Variants in CLEC16A observed in about 807,000 individuals in gnomAD.
CLEC16A encodes C-type lectin domain containing 16A.
CLEC16A carries 51 observed loss-of-function variants against 109.5 expected under a neutral mutation model. That is an observed-to-expected ratio of 0.47 (90% CI 0.37 to 0.59). The LOEUF (loss-of-function observed/expected upper bound fraction) is 0.59. Among genes scored for constraint, CLEC16A ranks in the 20% least tolerant of loss-of-function variants. The probability of loss-of-function intolerance (pLI) is 0.00; values close to 1 mark genes in which losing one functional copy is unlikely to be tolerated. For missense variants in CLEC16A, 1,339 were observed against 1,394.0 expected (o/e 0.96, Z 0.63); for synonymous variants, 673 against 564.2 (o/e 1.19, Z -2.73).
intron 1 of CLEC16A, among the ~76,000 whole-genome samples, chr16:10,947,544 A>G (rs1303276377): frequency 6.6e-6 from 1 of 152,174 alleles, no homozygotes; most frequent in Admixed American, 6.5e-5. Context: ...GAGCACTGTG[A>G]CCAGGACCCT....
At position 10,957,879 on chromosome 16, in the gene CLEC16A, T is replaced by C; in HGVS notation, c.178T>C (p.Trp60Arg). Residue 60 changes from tryptophan to arginine, a missense_variant, in exon 2 of 24, where the codon TGG becomes CGG. Trp to Arg is a moderately radical substitution (Grantham distance 101, BLOSUM62 -3). Transcript: ENST00000409790. ...TIRSITEILI[W>R]GDQNDSSVFD... ...CCGTTCCATCACTGAGATCCTGATC[T>C]GGGGAGATCAAAATGACAGCTCTGT... 6.2e-7 allele frequency: 1 copy of C among 1,613,930 alleles called. No homozygotes were observed. Among genetic ancestry groups the C allele is most frequent in the Non-Finnish European group, 8.5e-7 (1 of 1,179,800 alleles).
At chr16:10,949,444 C>G (rs879818994) in intron 1 of CLEC16A, among the ~76,000 whole-genome samples, 7 of 151,894 alleles carry the variant, frequency 4.6e-5, no homozygotes, top group Non-Finnish European at 7.4e-5. Context: ...AGCGGGGTGT[C>G]AGGTGGAAGG....
intron 22 of CLEC16A, among the ~76,000 whole-genome samples, chr16:11,154,047 G>A (rs1167668296): frequency 2.6e-5 from 4 of 152,242 alleles, no homozygotes; most frequent in Non-Finnish European, 5.9e-5. Flanking sequence ...GATGAATGTA[G>A]CTGGAGAGAG....
At chr16:11,074,685 G>T (rs896355090) in intron 19 of CLEC16A, among the ~76,000 whole-genome samples, 13 of 152,120 alleles carry the variant, frequency 8.5e-5, no homozygotes, top group African/African-American at 3.1e-4. Context: ...AGATCACAAG[G>T]TCACCTAATG....
intron 17 of CLEC16A, among the ~76,000 whole-genome samples, chr16:11,049,640 G>T (rs1220831609): frequency 6.6e-6 from 1 of 152,200 alleles, no homozygotes; most frequent in African/African-American, 2.4e-5. Flanking sequence ...AAGGGGGTGG[G>T]GACAGGCCCT....
chr16:10,994,328 C>T (rs941976723), intron 10 of CLEC16A, among the ~76,000 whole-genome samples: 4 of 152,162 alleles, frequency 2.6e-5, no homozygotes, highest in South Asian at 2.1e-4. Context: ...CAGCTCCACG[C>T]GGCTCCTGGA....
intron 8 of CLEC16A, among the ~76,000 whole-genome samples, chr16:10,978,488 T>A (rs2043141797): frequency 6.6e-6 from 1 of 152,158 alleles, no homozygotes; most frequent in Non-Finnish European, 1.5e-5. Flanking sequence ...GCCGGGCTGG[T>A]CTCAAACTCC....
intron 13 of CLEC16A, among the ~76,000 whole-genome samples, chr16:11,028,067 G>A (rs1228545525): frequency 6.6e-6 from 1 of 152,206 alleles, no homozygotes; most frequent in African/African-American, 2.4e-5. Context: ...GGGCATGGTG[G>A]CGCATGCCTG....
chr16:10,988,767 G>T (rs922723159), intron 10 of CLEC16A, among the ~76,000 whole-genome samples: 1 of 152,142 alleles, frequency 6.6e-6, no homozygotes, highest in African/African-American at 2.4e-5. Context: ...CCGGGCCTCA[G>T]TTTCTTACCT....
chr16:10,998,583 G>A (rs2044469488), intron 10 of CLEC16A, among the ~76,000 whole-genome samples: 1 of 152,112 alleles, frequency 6.6e-6, no homozygotes, highest in Non-Finnish European at 1.5e-5. Flanking sequence ...GGTTAGTTTG[G>A]GTGAGCTTGC....
At chr16:10,997,946 A>C (rs1174560684) in intron 10 of CLEC16A, among the ~76,000 whole-genome samples, 2 of 152,160 alleles carry the variant, frequency 1.3e-5, no homozygotes, top group African/African-American at 2.4e-5. Context: ...TGCTGTACCC[A>C]CACCTGGTGG....
intron 18 of CLEC16A, among the ~76,000 whole-genome samples, chr16:11,057,857 C>T (rs1042868442): frequency 2.6e-5 from 4 of 152,114 alleles, no homozygotes; most frequent in African/African-American, 9.7e-5. Context: ...GGGCAGGCTG[C>T]CTGTCATTGC....
chr16:11,157,763 G>GC (rs2054587545), intron 22 of CLEC16A, among the ~76,000 whole-genome samples: 1 of 152,182 alleles, frequency 6.6e-6, no homozygotes, highest in Non-Finnish European at 1.5e-5. Flanking sequence ...TGCTTCCTCA[G>GC]CCCCCAACAC....
intron 11 of CLEC16A, among the ~76,000 whole-genome samples, chr16:11,005,343 G>A (rs2044934994): frequency 1.3e-5 from 2 of 152,156 alleles, no homozygotes; most frequent in South Asian, 4.1e-4. Flanking sequence ...ACAAGGGAAC[G>A]AATTTCTGCC....
At chr16:11,032,676 C>T (rs1210193616) in intron 13 of CLEC16A, among the ~76,000 whole-genome samples, 2 of 152,094 alleles carry the variant, frequency 1.3e-5, no homozygotes, top group African/African-American at 2.4e-5. Context: ...GAGGAAGGAC[C>T]AGCAGAGCCA....
chr16:10,980,852 G>A (rs948282666), intron 9 of CLEC16A, among the ~76,000 whole-genome samples: 3 of 152,144 alleles, frequency 2.0e-5, no homozygotes, highest in African/African-American at 7.2e-5. Flanking sequence ...CCTGTGTCCT[G>A]AAAGCCCCTA....
chr16:11,132,416 T>C (rs956617504), intron 22 of CLEC16A, among the ~76,000 whole-genome samples: 50 of 152,190 alleles, frequency 3.3e-4, no homozygotes, highest in African/African-American at 1.2e-3. Context: ...CTGAATAATA[T>C]GCATTATATG....
intron 17 of CLEC16A, among the ~76,000 whole-genome samples, chr16:11,050,351 C>T (rs1201028987): frequency 6.6e-6 from 1 of 152,214 alleles, no homozygotes; most frequent in African/African-American, 2.4e-5. Flanking sequence ...AACCATAGCA[C>T]CAGGTATCTG....
At chr16:11,070,512 A>G (rs1485384282) in intron 19 of CLEC16A, 1 of 151,986 alleles carries the variant, frequency 6.6e-6, no homozygotes, top group Non-Finnish European at 1.5e-5. Context: ...CAGCTGTGCC[A>G]TTATCTTTTA....
Sources: allele counts gnomAD v4.1 joint callset (sites outside exome capture counted in the v4.1 genomes callset), GRCh38; gene constraint gnomAD v4.1.1; transcripts MANE v1.5; gene names NCBI Gene and HGNC (gene_info 2026-07-23, HGNC 2026-07-21).